Variants in DNAH10 observed in about 807,000 individuals in gnomAD.
The protein encoded by DNAH10 is axonemal beta dynein heavy chain 10.
In DNAH10, 348 loss-of-function variants were observed where a neutral mutation model predicts 506.6. The observed-to-expected ratio is 0.69, with a 90% CI of 0.63 to 0.75. The LOEUF (loss-of-function observed/expected upper bound fraction) is 0.75. Ranked by LOEUF, DNAH10 falls within the 30% of genes least tolerant of loss-of-function variation. DNAH10 has a pLI of 0.00. For synonymous variants in DNAH10, 2,059 were observed against 2,198.6 expected, an observed-to-expected ratio of 0.94 and a Z score of 1.78; for missense variants, 5,179 against 5,787.1, an observed-to-expected ratio of 0.89 and a Z score of 3.41.
rs773220508 is a variant in DNAH10 at position 123,851,002 on chromosome 12, G to T, written c.6217G>T (p.Val2073Leu). ...PESVKALFRP[V>L]VVIVPDLQQI... Reference sequence around the variant, plus strand: ...GTCGGTGAAGGCGCTGTTCAGGCCTGTGGTCGTGATCGTGCCCGACCTGCA... The same window carrying T: ...GTCGGTGAAGGCGCTGTTCAGGCCTTTGGTCGTGATCGTGCCCGACCTGCA... Residue 2073 changes from valine to leucine, a missense_variant, in exon 35 of 79, where the codon GTG becomes TTG. This residue lies in a region of DNAH10 where 4,844 missense variants were observed against 5,430.5 expected (regional missense o/e 0.89). Transcript: ENST00000673944. 1 of 1,613,828 alleles carries T rather than the reference G, an allele frequency of 6.2e-7. No individual in the cohort carries two copies. Among genetic ancestry groups the T allele is most frequent in the African/African-American group, 1.3e-5 (1 of 74,946 alleles).
intron 10 of DNAH10, 120 bp downstream of exon 10, chr12:123,788,122 C>A: frequency 8.5e-7 from 1 of 1,176,748 alleles, no homozygotes; most frequent in South Asian, 1.3e-5. Flanking sequence ...GGGAGAAGCC[C>A]TTCAAAGAAA....
chr12:123,835,570 C>T (rs772435846), intron 28 of DNAH10, 42 bp downstream of exon 28: 23 of 1,586,378 alleles, frequency 1.4e-5, no homozygotes, highest in African/African-American at 8.1e-5. Context: ...AGAAGGGCAG[C>T]GATTTGAGAT....
At chr12:123,791,534 T>C (rs1958080128) in intron 11 of DNAH10, among the ~76,000 whole-genome samples, 1 of 152,210 alleles carries the variant, frequency 6.6e-6, no homozygotes, top group Admixed American at 6.6e-5. Context: ...CTATTTTAAG[T>C]GTTACTTGCT....
At position 123,871,576 on chromosome 12, in the gene DNAH10, C is replaced by T; in HGVS notation, c.7759C>T (p.Leu2587Phe). 2 of 1,551,098 alleles carry T rather than the reference C, an allele frequency of 1.3e-6. No homozygotes were observed. Among genetic ancestry groups the T allele is most frequent in the Non-Finnish European group, 1.7e-6 (2 of 1,147,056 alleles). The change falls in exon 45 of 79, where the codon CTC becomes TTC. Residue 2587 changes from leucine to phenylalanine, a missense_variant. Physicochemically the swap from Leu to Phe is conservative, Grantham distance 22. Around this residue, in one of 3 missense-constraint regions of DNAH10, gnomAD observed 4,844 missense variants for 5,430.5 expected, o/e 0.89. Coordinates refer to ENST00000673944, the MANE Select transcript of DNAH10 (RefSeq NM_001372106.1). ...TAAGACAGCCACTACCCAGAATTTC[C>T]TCAAAAATCTGAGTGAAGAAACTAA... Reference protein sequence around the residue: ...TSKTATTQNFLKNLSEETNIV... With the variant: ...TSKTATTQNFFKNLSEETNIV...
intron 16 of DNAH10, among the ~76,000 whole-genome samples, chr12:123,803,086 C>T (rs540708020): frequency 1.3e-5 from 2 of 152,048 alleles, no homozygotes; most frequent in African/African-American, 2.4e-5. Flanking sequence ...TCAACTAAGT[C>T]CAGTGTATCA....
chr12:123,884,605 G>A (rs1952649960), intron 51 of DNAH10, among the ~76,000 whole-genome samples: 1 of 152,168 alleles, frequency 6.6e-6, no homozygotes, highest in Non-Finnish European at 1.5e-5. Flanking sequence ...AATCCCATTC[G>A]TGAGGGCTCC....
chr12:123,905,360 G>A (rs1175611680), intron 57 of DNAH10, among the ~76,000 whole-genome samples: 2 of 152,150 alleles, frequency 1.3e-5, no homozygotes, highest in African/African-American at 4.8e-5. Context: ...GTGCACGTGG[G>A]CGAGTCCACC....
At chr12:123,797,551 C>T (rs1046998435) in intron 13 of DNAH10, among the ~76,000 whole-genome samples, 1 of 152,130 alleles carries the variant, frequency 6.6e-6, no homozygotes, top group Non-Finnish European at 1.5e-5. Flanking sequence ...GGCCACCACG[C>T]CTGGCCCATT....
In DNAH10 at chr12:123,917,151, G is replaced by T. The variant is rs1478647789; in HGVS notation, c.11002+415G>T. Among the ~76,000 whole-genome samples the T allele has an allele frequency of 6.7e-6, 1 of 150,148 alleles. No homozygotes were observed. Among genetic ancestry groups the T allele is most frequent in the Non-Finnish European group, 1.5e-5 (1 of 67,494 alleles). On this transcript the variant is annotated intron_variant, in intron 63 of 78. Coordinates refer to ENST00000673944, the MANE Select transcript of DNAH10 (RefSeq NM_001372106.1). The surrounding 1 kb of genome is among the most constrained non-coding windows in gnomAD (Gnocchi z 5.6). ...TGCTCCTGCTTAAATAGGCTAATTT[G>T]ATTTGGATGTACTTTCTTTTCTTTT...
chr12:123,766,280 T>C (rs1957046419), intron 1 of DNAH10, among the ~76,000 whole-genome samples: 1 of 135,668 alleles, frequency 7.4e-6, no homozygotes, highest in South Asian at 2.2e-4. Context: ...TTGAGATCAA[T>C]TAATCAGCCT....
In DNAH10 at chr12:123,888,081, G is replaced by A. The variant is rs140379203; in HGVS notation, c.8995+768G>A. Among the ~76,000 whole-genome samples, 564 of 152,302 alleles carry A rather than the reference G, an allele frequency of 3.7e-3. 2 individuals carry two copies. Among genetic ancestry groups the A allele is most frequent in the African/African-American group, 0.012 (508 of 41,564 alleles). Reference sequence around the variant, plus strand: ...TAAGAAGTTAGCCAGGCATGATGGCGTGAGCCTGTAGTTCCAGCTACTCAG... The same window carrying A: ...TAAGAAGTTAGCCAGGCATGATGGCATGAGCCTGTAGTTCCAGCTACTCAG... On this transcript the variant is annotated intron_variant, in intron 52 of 78. Coordinates refer to ENST00000673944, the MANE Select transcript of DNAH10 (RefSeq NM_001372106.1).
At chr12:123,783,838 T>C (rs1957752845) in intron 7 of DNAH10, 109 bp from the exon 8 acceptor site, 2 of 1,015,842 alleles carry the variant, frequency 2.0e-6, no homozygotes, top group East Asian at 5.2e-5. Flanking sequence ...CTGAAGACCC[T>C]GAAGGATTGG....
intron 6 of DNAH10, among the ~76,000 whole-genome samples, chr12:123,782,018 C>T (rs570255043): frequency 1.3e-5 from 2 of 152,198 alleles, no homozygotes; most frequent in Admixed American, 6.5e-5. Context: ...TTTTCCTCCA[C>T]TATTTGTTTT....
chr12:123,887,918 G>A (rs1368913215), intron 52 of DNAH10, among the ~76,000 whole-genome samples: 3 of 152,046 alleles, frequency 2.0e-5, no homozygotes, highest in Non-Finnish European at 4.4e-5. Flanking sequence ...CTAATTTTTT[G>A]TATTTTCAGT....
At position 123,793,906 on chromosome 12, in the gene DNAH10, A is replaced by G. The variant is rs1958179616; in HGVS notation, c.1816-36A>G. The stretch of plus-strand genomic sequence containing the variant: ...CACTTTATTTTGGCAGGATAATTAC[A>G]GGGGCATGAGGGTTGTTTTGTTGAT... On this transcript the variant is annotated intron_variant, in intron 11 of 78. Coordinates refer to ENST00000673944, the MANE Select transcript of DNAH10 (RefSeq NM_001372106.1). 5.3e-6 allele frequency: 6 copies of G among 1,128,232 alleles called. No individual in the cohort carries two copies. The Admixed American group carries it at 2.1e-4, about 39-fold the overall frequency. The allele number at this position is 1,128,232 out of a possible 1,614,324, so 69.9% of individuals were successfully genotyped here. A position where few individuals can be genotyped will look rare whatever the true frequency, so the allele number is the denominator to read the frequency against.
chr12:123,773,915 A>C (rs2135986837), intron 4 of DNAH10, among the ~76,000 whole-genome samples: 2 of 152,362 alleles, frequency 1.3e-5, no homozygotes, highest in East Asian at 3.9e-4. Context: ...AAATGTGTGC[A>C]GCTCTTGTGC....
rs866864553 is a variant in DNAH10, at chr12:123,785,610, G to C, written c.1231-136G>C. 189 of 825,852 alleles carry C rather than the reference G, an allele frequency of 2.3e-4. No individual in the cohort carries two copies. The highest frequency in any genetic ancestry group is 3.8e-4 in the Middle Eastern group (1 of 2,604). The allele number at this position is 825,852 out of a possible 1,614,324, so 51.2% of individuals were successfully genotyped here. A position where few individuals can be genotyped will look rare whatever the true frequency, so the allele number is the denominator to read the frequency against. On this transcript the variant is annotated intron_variant, in intron 8 of 78. Coordinates refer to ENST00000673944, the MANE Select transcript of DNAH10 (RefSeq NM_001372106.1). This position sits in a 1 kb window ranked among gnomAD's most constrained non-coding sequence, Gnocchi z 4.1. ...GCCATGTTTGTGCCATTGCACTCCA[G>C]CCTGGGCACCAGACTTGGTCTCAAG...
Position 123,795,925 on chromosome 12 carries a change from TC to T in DNAH10, c.1987-729del, listed in dbSNP as rs571656866. Among the ~76,000 whole-genome samples, 129 of 152,294 alleles carry T rather than the reference TC, an allele frequency of 8.5e-4. No homozygotes were observed. In the Middle Eastern group the frequency reaches 0.017, roughly 20 times the overall value. Reference sequence around the variant, plus strand: ...GCTTGAGGGGATGGACACCCCATTCTCCATGATGTGGTTATTATGCATAGCA... The same window carrying T: ...GCTTGAGGGGATGGACACCCCATTCTCATGATGTGGTTATTATGCATAGCA... On this transcript the variant is annotated intron_variant, in intron 12 of 78. Transcript: ENST00000673944.
At chr12:123,888,655 G>A (rs545654585) in intron 52 of DNAH10, among the ~76,000 whole-genome samples, 2 of 152,244 alleles carry the variant, frequency 1.3e-5, no homozygotes, top group African/African-American at 4.8e-5. Context: ...CAAGAGAGTC[G>A]GTGTCTGTAT....
Sources: gnomAD v4.1 joint callset for allele counts (sites outside exome capture counted in the v4.1 genomes callset) on GRCh38, gnomAD v4.1.1 for gene constraint, gnomAD v4.1.1 regional missense constraint, Gnocchi (gnomAD v3.1) non-coding constraint, MANE v1.5 for transcripts, NCBI Gene and HGNC (gene_info 2026-07-23, HGNC 2026-07-21) for gene names.